C1QTNF3: variants seen among roughly 807,000 people sequenced by gnomAD.
C1QTNF3 encodes the protein C1q and TNF related 3.
A neutral mutation model predicts 32.6 loss-of-function variants in C1QTNF3; 26 were observed. That is an observed-to-expected ratio of 0.80 (90% confidence interval 0.58 to 1.11). C1QTNF3 has a LOEUF of 1.11. Among genes scored for constraint, C1QTNF3 ranks in the 50% least tolerant of loss-of-function variants. C1QTNF3 has a pLI of 0.00. For synonymous variants in C1QTNF3, 155 were observed against 146.0 expected (o/e 1.06, Z -0.44); for missense variants, 362 against 398.2 (o/e 0.91, Z 0.77).
chr5:34,155,272 G>T, the C1QTNF3 span, among the ~76,000 whole-genome samples: 1 of 152,204 alleles, frequency 6.6e-6, no homozygotes, highest in Non-Finnish European at 1.5e-5. Context: ...TCTTAAGCCT[G>T]TGTTATTTGA....
chr5:34,195,070 T>C, the C1QTNF3 span, among the ~76,000 whole-genome samples: 4 of 151,826 alleles, frequency 2.6e-5, no homozygotes, highest in South Asian at 2.1e-4. Flanking sequence ...TAGTTAACAA[T>C]AACATATTAT....
the C1QTNF3 span, among the ~76,000 whole-genome samples, chr5:34,171,476 C>A: frequency 6.6e-6 from 1 of 151,796 alleles, no homozygotes; most frequent in Non-Finnish European, 1.5e-5. Flanking sequence ...ATTTCTAAAC[C>A]AAACATTCCA....
chr5:34,120,697 T>C, the C1QTNF3 span, among the ~76,000 whole-genome samples: 3 of 152,234 alleles, frequency 2.0e-5, no homozygotes, highest in African/African-American at 7.2e-5. Context: ...ACAAGTTCTC[T>C]TCTTTTGTCT....
At chr5:34,065,821 A>G in the C1QTNF3 span, among the ~76,000 whole-genome samples, 1 of 152,206 alleles carries the variant, frequency 6.6e-6, no homozygotes, top group Admixed American at 6.5e-5. Context: ...CACTTGACCT[A>G]GGAATCCCAT....
At chr5:34,232,448 C>G in the C1QTNF3 span, among the ~76,000 whole-genome samples, 1 of 151,850 alleles carries the variant, frequency 6.6e-6, no homozygotes, top group South Asian at 2.1e-4. Context: ...CTGTCCCCAC[C>G]CAAATCTCAT....
chr5:34,075,027 G>T, the C1QTNF3 span, among the ~76,000 whole-genome samples: 2 of 151,540 alleles, frequency 1.3e-5, no homozygotes, highest in African/African-American at 4.9e-5. Context: ...ACATTAAAAG[G>T]TTTCAAATTT....
chr5:34,069,014 A>AT, the C1QTNF3 span, among the ~76,000 whole-genome samples: 1 of 149,362 alleles, frequency 6.7e-6, no homozygotes, highest in Non-Finnish European at 1.5e-5. Context: ...CTGTGTGTAC[A>AT]TCAACAAACT....
chr5:34,055,389 C>T, the C1QTNF3 span, among the ~76,000 whole-genome samples: 10 of 152,338 alleles, frequency 6.6e-5, no homozygotes, highest in East Asian at 1.9e-3. Flanking sequence ...AGGAGGGATT[C>T]TCACCGTATG....
At chr5:34,052,136 T>C in the C1QTNF3 span, among the ~76,000 whole-genome samples, 4 of 152,182 alleles carry the variant, frequency 2.6e-5, no homozygotes, top group East Asian at 5.8e-4. Context: ...AGACCGCGTC[T>C]TAAAAAAAAA....
chr5:34,218,143 G>T, the C1QTNF3 span, among the ~76,000 whole-genome samples: 1,673 of 151,820 alleles, frequency 0.011, 35 homozygotes, highest in African/African-American at 0.038. Context: ...AAGAACATAA[G>T]GATGTGATAA....
the C1QTNF3 span, among the ~76,000 whole-genome samples, chr5:34,175,203 C>G: frequency 2.0e-5 from 3 of 152,056 alleles, no homozygotes; most frequent in Non-Finnish European, 4.4e-5. Flanking sequence ...ACCACCACAC[C>G]TAGCTAATCT....
the C1QTNF3 span, among the ~76,000 whole-genome samples, chr5:34,195,242 A>T: frequency 6.6e-6 from 1 of 152,260 alleles, no homozygotes; most frequent in East Asian, 1.9e-4. Context: ...ATAAAAATTT[A>T]ATGTCAATAT....
chr5:34,039,236 A>G (rs528115059), intron 1 of C1QTNF3, among the ~76,000 whole-genome samples: 52 of 152,170 alleles, frequency 3.4e-4, no homozygotes, highest in Non-Finnish European at 6.0e-4. Flanking sequence ...GAATCAAGGG[A>G]GAAGTAACGC....
chr5:34,194,712 G>C, the C1QTNF3 span, among the ~76,000 whole-genome samples: 1 of 152,306 alleles, frequency 6.6e-6, no homozygotes, highest in Non-Finnish European at 1.5e-5. Flanking sequence ...GTGAGGATAG[G>C]AATATACAGT....
At chr5:34,145,019 C>T in the C1QTNF3 span, among the ~76,000 whole-genome samples, 1 of 152,164 alleles carries the variant, frequency 6.6e-6, no homozygotes, top group Non-Finnish European at 1.5e-5. Context: ...ATCCAAGCTA[C>T]TCGGGAGGCT....
upstream of C1QTNF3, among the ~76,000 whole-genome samples, chr5:34,047,966 G>C (rs1370572117): frequency 6.6e-6 from 1 of 152,120 alleles, no homozygotes; most frequent in Non-Finnish European, 1.5e-5. Flanking sequence ...GAGGAAGTTG[G>C]TCAGCTGGTC....
At chr5:34,060,366 C>T in the C1QTNF3 span, among the ~76,000 whole-genome samples, 2 of 152,276 alleles carry the variant, frequency 1.3e-5, no homozygotes, top group Admixed American at 1.3e-4. Flanking sequence ...GGCTGCAAAC[C>T]TGTAGCAGGT....
the C1QTNF3 span, among the ~76,000 whole-genome samples, chr5:34,139,618 T>G: frequency 5.9e-5 from 9 of 152,230 alleles, no homozygotes; most frequent in African/African-American, 1.9e-4. Context: ...TTTTTTTTAC[T>G]TGACAAACTG....
chr5:34,222,219 T>C, the C1QTNF3 span, among the ~76,000 whole-genome samples: 1 of 152,018 alleles, frequency 6.6e-6, no homozygotes, highest in African/African-American at 2.4e-5. Context: ...TTAATTTATA[T>C]GATACCTTAG....
Sources: allele counts gnomAD v4.1 joint callset (sites outside exome capture counted in the v4.1 genomes callset), GRCh38; gene constraint gnomAD v4.1.1; transcripts MANE v1.5; gene names NCBI Gene and HGNC (gene_info 2026-07-23, HGNC 2026-07-21).